Variants in DLGAP2 observed in about 807,000 individuals in gnomAD.
The protein encoded by DLGAP2 is DLG associated protein 2.
In DLGAP2, 26 loss-of-function variants were observed where a neutral mutation model predicts 100.3. The ratio of observed to expected loss-of-function variants is 0.26; its 90% CI spans 0.19 to 0.36. The LOEUF (loss-of-function observed/expected upper bound fraction) is 0.36, where lower values mean the gene tolerates loss of function less well. Ranked by LOEUF, DLGAP2 falls within the 10% of genes least tolerant of loss-of-function variation. The probability of loss-of-function intolerance (pLI) is 1.00; values close to 1 mark genes in which losing one functional copy is unlikely to be tolerated. For missense variants in DLGAP2, 1,858 were observed against 1,453.2 expected (o/e 1.28, Z -4.53); for synonymous variants, 886 against 630.1 (o/e 1.41, Z -6.08).
At chr8:1,642,248 C>A (rs367829180) in intron 8 of DLGAP2, among the ~76,000 whole-genome samples, 8 of 14,004 alleles carry the variant, frequency 5.7e-4, no homozygotes, top group African/African-American at 1.3e-3. Context: ...TCACCCTCGA[C>A]CCCGCCGGCC....
chr8:1,188,168 CGGA>C (rs1797554034), intron 2 of DLGAP2, among the ~76,000 whole-genome samples: 1 of 127,672 alleles, frequency 7.8e-6, no homozygotes, highest in African/African-American at 3.8e-5. Context: ...GTTTCCCTCA[CGGA>C]ATCTCACACG....
intron 2 of DLGAP2, among the ~76,000 whole-genome samples, chr8:1,233,261 T>G (rs1397198079): frequency 6.6e-6 from 1 of 152,252 alleles, no homozygotes; most frequent in South Asian, 2.1e-4. Context: ...TGAACATTTG[T>G]GTGAGCATCC....
chr8:1,366,511 G>T (rs901994134), intron 3 of DLGAP2, among the ~76,000 whole-genome samples: 1 of 152,228 alleles, frequency 6.6e-6, no homozygotes, highest in Non-Finnish European at 1.5e-5. Flanking sequence ...TTCCTGAGCT[G>T]AGGCTTTGGG....
chr8:1,631,929 G>T (rs1277796731), intron 7 of DLGAP2, among the ~76,000 whole-genome samples: 2 of 152,206 alleles, frequency 1.3e-5, no homozygotes, highest in Non-Finnish European at 2.9e-5. Flanking sequence ...TAAAGGAAAA[G>T]AACTAATCTG....
Position 1,222,332 on chromosome 8 carries a change from G to T in DLGAP2, c.74-36519G>T, listed in dbSNP as rs1798331096. Among the ~76,000 whole-genome samples, 4 of 152,128 alleles carry T rather than the reference G, an allele frequency of 2.6e-5. 1 individual carries two copies. In the South Asian group the frequency reaches 8.3e-4, roughly 32 times the overall value. On this transcript the variant is annotated intron_variant, in intron 2 of 14. Transcript: ENST00000637795. ...GGCTCAGTCAGTTCACTTTATTTCT[G>T]GAAGATTTCAAGGGATAAAGGCTCA... is the stretch of plus-strand genomic sequence containing the variant.
At chr8:1,287,930 T>TCA (rs1799977289) in intron 3 of DLGAP2, among the ~76,000 whole-genome samples, 1 of 137,614 alleles carries the variant, frequency 7.3e-6, no homozygotes, top group East Asian at 2.2e-4. Flanking sequence ...GGAACTAGTT[T>TCA]TGGTTCAGCG....
intron 2 of DLGAP2, among the ~76,000 whole-genome samples, chr8:1,248,075 C>T (rs374609858): frequency 5.4e-4 from 2 of 3,738 alleles, no homozygotes; most frequent in Non-Finnish European, 5.9e-4. Context: ...TGGTCCATGT[C>T]GGTGGCCGGG....
At chr8:1,538,184 C>G (rs1458664483) in intron 4 of DLGAP2, among the ~76,000 whole-genome samples, 2 of 152,210 alleles carry the variant, frequency 1.3e-5, no homozygotes, top group South Asian at 2.1e-4. Flanking sequence ...CCTTTTCCTT[C>G]CTGTTTTCTC....
At chr8:1,243,792 C>T (rs1798848351) in intron 2 of DLGAP2, among the ~76,000 whole-genome samples, 1 of 152,176 alleles carries the variant, frequency 6.6e-6, no homozygotes, top group Non-Finnish European at 1.5e-5. Flanking sequence ...CCCACCCTGC[C>T]ACCATTGAAA....
At chr8:1,186,956 T>A (rs1797517922) in intron 2 of DLGAP2, among the ~76,000 whole-genome samples, 1 of 152,166 alleles carries the variant, frequency 6.6e-6, no homozygotes, top group Non-Finnish European at 1.5e-5. Flanking sequence ...CCAGGAGCCT[T>A]GTTTTCCACA....
rs569839716 is a variant in DLGAP2 at position 1,548,301 on chromosome 8, A to T, written c.173-325A>T. Among the ~76,000 whole-genome samples, 3 of 151,842 alleles carry T rather than the reference A, an allele frequency of 2.0e-5. No homozygotes were observed. In the East Asian group the frequency reaches 5.9e-4, roughly 30 times the overall value. ...ATGGCGAAACCTCGTCTCTACTAAAAATACAAAATTAGCCGGGCGTGGTGG... is the reference window on the plus strand; with the variant it reads ...ATGGCGAAACCTCGTCTCTACTAAATATACAAAATTAGCCGGGCGTGGTGG... On this transcript the variant is annotated intron_variant, in intron 4 of 14. Coordinates refer to ENST00000637795, the MANE Select transcript of DLGAP2 (RefSeq NM_001346810.2).
chr8:1,083,816 AAG>A (rs1308908166), intron 2 of DLGAP2, among the ~76,000 whole-genome samples: 7 of 152,352 alleles, frequency 4.6e-5, no homozygotes, highest in South Asian at 2.1e-4. Context: ...TTAATGAAAA[AAG>A]AGTCTTATTT....
intron 4 of DLGAP2, among the ~76,000 whole-genome samples, chr8:1,532,267 G>C (rs1048125385): frequency 5.3e-5 from 8 of 152,140 alleles, no homozygotes; most frequent in Non-Finnish European, 1.0e-4. Context: ...CGCACTCTTT[G>C]TGGAAACCTC....
intron 8 of DLGAP2, among the ~76,000 whole-genome samples, chr8:1,657,059 A>C (rs1247985505): frequency 1.3e-5 from 2 of 152,246 alleles, no homozygotes; most frequent in Non-Finnish European, 2.9e-5. Flanking sequence ...GCTAGGCTTT[A>C]AAAACCAAAC....
At chr8:1,449,575 G>C (rs570176466) in intron 3 of DLGAP2, among the ~76,000 whole-genome samples, 1 of 152,172 alleles carries the variant, frequency 6.6e-6, no homozygotes, top group Non-Finnish European at 1.5e-5. Flanking sequence ...CCCAGACCCC[G>C]TTCCTGAGCT....
intron 1 of DLGAP2, among the ~76,000 whole-genome samples, chr8:779,607 G>A (rs1170322003): frequency 6.6e-6 from 1 of 151,954 alleles, no homozygotes; most frequent in Non-Finnish European, 1.5e-5. Context: ...GGGATTACAG[G>A]CATAAGCCAC....
At chr8:1,380,861 C>T (rs1477075959) in intron 3 of DLGAP2, among the ~76,000 whole-genome samples, 1 of 127,660 alleles carries the variant, frequency 7.8e-6, no homozygotes, top group Non-Finnish European at 1.6e-5. Flanking sequence ...AAAATAAAGC[C>T]ATAAGAATTG....
chr8:1,180,297 A>C (rs1797351929), intron 2 of DLGAP2, among the ~76,000 whole-genome samples: 1 of 152,196 alleles, frequency 6.6e-6, no homozygotes, highest in Non-Finnish European at 1.5e-5. Context: ...ACTCTTCCAC[A>C]CTGCAGAGCG....
At chr8:942,460 C>T (rs1799218859) in intron 2 of DLGAP2, among the ~76,000 whole-genome samples, 1 of 152,248 alleles carries the variant, frequency 6.6e-6, no homozygotes, top group Non-Finnish European at 1.5e-5. Context: ...TTCCCACTCA[C>T]ATCATCCAGA....
Sources: gnomAD v4.1 joint callset for allele counts (sites outside exome capture counted in the v4.1 genomes callset) on GRCh38, gnomAD v4.1.1 for gene constraint, MANE v1.5 for transcripts, NCBI Gene and HGNC (gene_info 2026-07-23, HGNC 2026-07-21) for gene names.